Variants in CES4A observed in about 807,000 individuals in gnomAD.
CES4A encodes the protein carboxylesterase 6.
Under a neutral mutation model 65.4 loss-of-function variants are expected in CES4A, and 48 were observed. That is an observed-to-expected ratio of 0.73 (90% confidence interval 0.58 to 0.93). The LOEUF (loss-of-function observed/expected upper bound fraction) is 0.93, where lower values mean the gene tolerates loss of function less well. Ranked by LOEUF, CES4A falls within the 40% of genes least tolerant of loss-of-function variation. CES4A has a pLI of 0.00. For synonymous variants in CES4A, 247 were observed against 281.8 expected (o/e 0.88, Z 1.24); for missense variants, 685 against 728.5 (o/e 0.94, Z 0.69).
At chr16:66,995,506 G>A (rs1053458857) in intron 1 of CES4A, 122 bp from the exon 2 acceptor site, 2 of 799,720 alleles carry the variant, frequency 2.5e-6, no homozygotes, top group Admixed American at 2.1e-5. Context: ...CTGCGCAGGG[G>A]TGACCCTTTT....
In CES4A at chr16:67,003,783, G is replaced by T. The variant is rs571851620; in HGVS notation, c.939+230G>T. 1.3e-5 allele frequency among the ~76,000 whole-genome samples: 2 copies of T among 152,290 alleles called. No individual in the cohort carries two copies. Among genetic ancestry groups the T allele is most frequent in the East Asian group, 3.9e-4 (2 of 5,186 alleles). On this transcript the variant is annotated intron_variant, in intron 8 of 13. Transcript: ENST00000648724. The surrounding 1 kb of genome is among the most constrained non-coding windows in gnomAD (Gnocchi z 4.2). ...GTAAAGGGGTTGGACATTTTGGGAG[G>T]TATGGACTTTTAAATAGAATGGCTA...
exon 2 of CES4A, chr16:66,995,768 G>A: frequency 6.2e-7 from 1 of 1,614,180 alleles, no homozygotes; most frequent in East Asian, 2.2e-5. Context: ...CCTCAGGTTT[G>A]CACCTCCAGA....
chr16:67,008,238 A>G (rs1965923191), intron 13 of CES4A: 1 of 152,112 alleles, frequency 6.6e-6, no homozygotes, highest in Admixed American at 6.6e-5. Context: ...TCTTTCTGAA[A>G]TAACATCTGA....
At chr16:66,998,559 G>T (rs1965040598) in intron 2 of CES4A, among the ~76,000 whole-genome samples, 1 of 152,148 alleles carries the variant, frequency 6.6e-6, no homozygotes, top group Non-Finnish European at 1.5e-5. Flanking sequence ...TGCTGCCTGG[G>T]TGACCCTGTC....
Position 66,992,586 on chromosome 16 carries a change from G to A in CES4A, c.59-3042G>A, listed in dbSNP as rs186740645. ...GCACAGATAGGTTCGCTAATTACTT[G>A]GATCAGGTCTGCTTTCTGTCACTTT... On this transcript the variant is annotated intron_variant, in intron 1 of 13. Transcript: ENST00000648724. Among the ~76,000 whole-genome samples, 10 of 152,288 alleles carry A rather than the reference G, an allele frequency of 6.6e-5. No individual in the cohort carries two copies. In the East Asian group the frequency reaches 1.4e-3, roughly 21 times the overall value.
At chr16:66,989,411 T>G (rs1597037603) in intron 1 of CES4A, among the ~76,000 whole-genome samples, 2 of 151,824 alleles carry the variant, frequency 1.3e-5, no homozygotes, top group South Asian at 2.1e-4. Context: ...ACATTTCCAG[T>G]GGGTTAGGCA....
downstream of CES4A, among the ~76,000 whole-genome samples, chr16:67,010,051 C>T (rs1047836268): frequency 6.7e-6 from 1 of 150,326 alleles, no homozygotes; most frequent in Non-Finnish European, 1.5e-5. Context: ...AGTTTTGTTT[C>T]GTTGTTTTGT....
intron 1 of CES4A, among the ~76,000 whole-genome samples, chr16:66,992,565 A>G (rs1163591148): frequency 1.3e-5 from 2 of 152,228 alleles, no homozygotes; most frequent in East Asian, 3.8e-4. Context: ...TCTGATGCAC[A>G]GATAGGTTCG....
Position 67,000,312 on chromosome 16 carries a change from G to A in CES4A, c.261-326G>A, listed in dbSNP as rs1379536535. Among the ~76,000 whole-genome samples the A allele has an allele frequency of 6.6e-6, 1 of 152,030 alleles. No individual in the cohort carries two copies. Among genetic ancestry groups the A allele is most frequent in the Non-Finnish European group, 1.5e-5 (1 of 67,996 alleles). ...AGAGCTGTTTGGGAGGCAGAAGGGA[G>A]ACTGAGGGGAGGGTGGGGCATGAAA... On this transcript the variant is annotated intron_variant, in intron 2 of 13. Coordinates refer to ENST00000648724, the Ensembl canonical transcript of CES4A. The surrounding 1 kb of genome is among the most constrained non-coding windows in gnomAD (Gnocchi z 4.2).
chr16:67,005,136 G>A, intron 10 of CES4A, 104 bp from the exon 11 acceptor site: 3 of 1,230,330 alleles, frequency 2.4e-6, no homozygotes, highest in South Asian at 1.3e-5. Flanking sequence ...CCCCTCCCAG[G>A]CCAAAAACTC....
In CES4A at chr16:67,000,634, G is replaced by A. The variant is rs1290139731; in HGVS notation, c.261-4G>A. 1.3e-6 allele frequency: 2 copies of A among 1,542,842 alleles called. No individual in the cohort carries two copies. The highest frequency in any genetic ancestry group is 2.0e-5 in the Admixed American group (1 of 49,964). On this transcript the variant is annotated splice_polypyrimidine_tract_variant and splice_region_variant and intron_variant, in intron 2 of 13. Transcript: ENST00000648724. This position sits in a 1 kb window ranked among gnomAD's most constrained non-coding sequence, Gnocchi z 4.2. The stretch of plus-strand genomic sequence containing the variant: ...CGGCCGCCGCCGCTACCTGGTGCCC[G>A]CAGGTGCCTGCAGGAGTCCTGGGGC...
At chr16:66,993,032 C>T (rs560013757) in intron 1 of CES4A, among the ~76,000 whole-genome samples, 1 of 152,168 alleles carries the variant, frequency 6.6e-6, no homozygotes, top group Admixed American at 6.6e-5. Context: ...GACAAGGGCA[C>T]TTCAGGAAGG....
At chr16:66,988,891 A>G (rs1964157470) in intron 1 of CES4A, 61 bp downstream of exon 1, 4 of 1,514,820 alleles carry the variant, frequency 2.6e-6, no homozygotes, top group Non-Finnish European at 3.5e-6. Flanking sequence ...ATGGAGGGAC[A>G]GGCCCCAGTT....
At chr16:66,995,436 T>C (rs973319516) in intron 1 of CES4A, among the ~76,000 whole-genome samples, 192 bp from the exon 2 acceptor site, 51 of 152,218 alleles carry the variant, frequency 3.4e-4, no homozygotes, top group Admixed American at 7.9e-4. Context: ...TCAATTGTTA[T>C]GAAAAGCAGC....
chr16:67,006,596 C>G (rs1597099875), intron 12 of CES4A, 77 bp downstream of exon 12: 3 of 1,565,430 alleles, frequency 1.9e-6, no homozygotes, highest in Non-Finnish European at 2.6e-6. Flanking sequence ...CCTCCATTGG[C>G]TGGCCACAGG....
rs1475706455 is a variant in CES4A at position 67,000,169 on chromosome 16, C to A, written c.261-469C>A. 6.6e-6 allele frequency among the ~76,000 whole-genome samples: 1 copy of A among 152,178 alleles called. No individual in the cohort carries two copies. Among genetic ancestry groups the A allele is most frequent in the Non-Finnish European group, 1.5e-5 (1 of 68,030 alleles). On this transcript the variant is annotated intron_variant, in intron 2 of 13. Transcript: ENST00000648724. This position sits in a 1 kb window ranked among gnomAD's most constrained non-coding sequence, Gnocchi z 4.2. ...GAAGAAGAGGAGTGACATAGTCCGC[C>A]AGAGTGTGGCCGAGGAGTAGGAGGA...
intron 2 of CES4A, among the ~76,000 whole-genome samples, chr16:66,997,322 C>A (rs1964934288): frequency 6.6e-6 from 1 of 152,038 alleles, no homozygotes; most frequent in Admixed American, 6.6e-5. Flanking sequence ...AGAAACTGAC[C>A]ATGAGCTGTC....
Position 67,000,579 on chromosome 16 carries a change from T to C in CES4A, c.261-59T>C, listed in dbSNP as rs1965211345. On this transcript the variant is annotated intron_variant, in intron 2 of 13. Coordinates refer to ENST00000648724, the Ensembl canonical transcript of CES4A. The surrounding 1 kb of genome is among the most constrained non-coding windows in gnomAD (Gnocchi z 4.2). ...TTTGCTTTGGGTTCCGTCTTCTCAC[T>C]GCGGACCCTGGATTGAAACGATCTC... is the stretch of plus-strand genomic sequence containing the variant. 6.6e-7 allele frequency: 1 copy of C among 1,509,278 alleles called. No individual in the cohort carries two copies. The highest frequency in any genetic ancestry group is 8.9e-7 in the Non-Finnish European group (1 of 1,123,690). The allele number at this position is 1,509,278 out of a possible 1,614,324, so 93.5% of individuals were successfully genotyped here.
chr16:67,005,574 C>T (rs908293433), intron 11 of CES4A, 181 bp downstream of exon 11: 6 of 596,842 alleles, frequency 1.0e-5, no homozygotes, highest in Admixed American at 3.6e-5. Flanking sequence ...GGGCCAGGCA[C>T]GGTGGCTCAC....
Sources: gnomAD v4.1 joint callset for allele counts (sites outside exome capture counted in the v4.1 genomes callset) on GRCh38, gnomAD v4.1.1 for gene constraint, Gnocchi (gnomAD v3.1) non-coding constraint, MANE v1.5 for transcripts, NCBI Gene and HGNC (gene_info 2026-07-23, HGNC 2026-07-21) for gene names.